TNFRSF1A: variants seen among roughly 807,000 people sequenced by gnomAD.
TNFRSF1A encodes TNF receptor superfamily member 1A.
Under a neutral mutation model 41.6 loss-of-function variants are expected in TNFRSF1A, and 9 were observed. The observed-to-expected ratio is 0.22, with a 90% CI of 0.13 to 0.38. The LOEUF (loss-of-function observed/expected upper bound fraction) is 0.38. Among genes scored for constraint, TNFRSF1A ranks in the 10% least tolerant of loss-of-function variants. TNFRSF1A has a pLI of 1.00. For synonymous variants in TNFRSF1A, 254 were observed against 248.6 expected (o/e 1.02, Z -0.21); for missense variants, 463 against 591.5 (o/e 0.78, Z 2.25).
At chr12:6,340,189 G>A (rs1315216505) in intron 1 of TNFRSF1A, among the ~76,000 whole-genome samples, 2 of 152,180 alleles carry the variant, frequency 1.3e-5, no homozygotes, top group Non-Finnish European at 2.9e-5. Context: ...CAGGGATTTT[G>A]TTCTCTGCTG....
chr12:6,333,677 T>C lies in TNFRSF1A; in HGVS notation c.322+60A>G, dbSNP rs373163976. The C allele has an allele frequency of 2.0e-5, 31 of 1,561,178 alleles. No individual in the cohort carries two copies. In the African/African-American group the frequency reaches 3.3e-4, roughly 16 times the overall value. Reference sequence around the variant, plus strand: ...CTGCCCACACCCACCAGCCTGCACATAGACAGGCACCCACACACCACTCAA... The same window carrying C: ...CTGCCCACACCCACCAGCCTGCACACAGACAGGCACCCACACACCACTCAA... On this transcript the variant is annotated intron_variant, in intron 3 of 9. Coordinates refer to ENST00000162749, the MANE Select transcript of TNFRSF1A (RefSeq NM_001065.4). This position sits in a 1 kb window ranked among gnomAD's most constrained non-coding sequence, Gnocchi z 6.3.
In TNFRSF1A at chr12:6,329,785, G is replaced by A; in HGVS notation, c.1050C>T (p.Ser350=). Reference sequence around the variant, plus strand: ...GCCGCGGGAGAAACTCACTGTCTAGGCTCTGTGGCTTGTGGGCGCTGTCCT... The same window carrying A: ...GCCGCGGGAGAAACTCACTGTCTAGACTCTGTGGCTTGTGGGCGCTGTCCT... ...KWEDSAHKPQ[S]LDTDDPATLY... Residue 350 remains serine (S), a synonymous_variant, in exon 9 of 10, where the codon AGC becomes AGT. Coordinates refer to ENST00000162749, the MANE Select transcript of TNFRSF1A (RefSeq NM_001065.4). The A allele has an allele frequency of 6.2e-7, 1 of 1,605,234 alleles. No individual in the cohort carries two copies. The highest frequency in any genetic ancestry group is 8.5e-7 in the Non-Finnish European group (1 of 1,177,014).
At position 6,334,510 on chromosome 12, in the gene TNFRSF1A, AT is replaced by A. The variant is rs528802948; in HGVS notation, c.40-267del. Among the ~76,000 whole-genome samples the A allele has an allele frequency of 3.1e-3, 444 of 143,028 alleles. 1 individual carries two copies. Among genetic ancestry groups the A allele is most frequent in the Middle Eastern group, 7.2e-3 (2 of 278 alleles). 93.8% of individuals were successfully genotyped at this position (143,028 alleles called of 152,430 possible). On this transcript the variant is annotated intron_variant, in intron 1 of 9. Transcript: ENST00000162749. The surrounding 1 kb of genome is among the most constrained non-coding windows in gnomAD (Gnocchi z 5.1). ...CTAGTAGGCCCCAGATCTAAGCTGT[AT>A]TTTTTTTTTTTTAGGCAGGATCTTG...
Position 6,329,911 on chromosome 12 carries a change from C to T in TNFRSF1A, c.924G>A (p.Ala308=), listed in dbSNP as rs2136814745. ...TYTPGDCPNF[A]APRREVAPPY... is the part of the protein sequence containing the mutation. ...GTGGTGCCACCTCTCTGCGGGGAGC[C>T]GCAAAGTTGGGACAGTCACCGGGGG... Residue 308 remains alanine (A), a synonymous_variant, in exon 9 of 10, where the codon GCG becomes GCA. Coordinates refer to ENST00000162749, the MANE Select transcript of TNFRSF1A (RefSeq NM_001065.4). 1 of 1,573,934 alleles carries T rather than the reference C, an allele frequency of 6.4e-7. No individual in the cohort carries two copies. The highest frequency in any genetic ancestry group is 8.6e-7 in the Non-Finnish European group (1 of 1,158,570).
Position 6,329,582 on chromosome 12 carries a change from C to T in TNFRSF1A, c.1098G>A (p.Val366=). The T allele has an allele frequency of 6.3e-7, 1 of 1,592,374 alleles. No individual in the cohort carries two copies. The highest frequency in any genetic ancestry group is 1.1e-5 in the South Asian group (1 of 90,556). ...PATLYAVVEN[V]PPLRWKEFVR... ...CGAATTCCTTCCAGCGCAACGGGGG[C>T]ACGTTCTCCACCACGGCGTACAGCG... The change falls in exon 10 of 10, where the codon GTG becomes GTA. Residue 366 remains valine (V), a synonymous_variant. Transcript: ENST00000162749.
chr12:6,333,341 C>T lies in TNFRSF1A; in HGVS notation c.472+26G>A. Reference sequence around the variant, plus strand: ...GCCAACCCCTGGGGTGGGGAGAGGGCTTGGCCTCAGGAGAGCTGCGCTCAC... The same window carrying T: ...GCCAACCCCTGGGGTGGGGAGAGGGTTTGGCCTCAGGAGAGCTGCGCTCAC... On this transcript the variant is annotated intron_variant, in intron 4 of 9. Coordinates refer to ENST00000162749, the MANE Select transcript of TNFRSF1A (RefSeq NM_001065.4). The surrounding 1 kb of genome is among the most constrained non-coding windows in gnomAD (Gnocchi z 6.3). 6.2e-7 allele frequency: 1 copy of T among 1,610,834 alleles called. No individual in the cohort carries two copies. The highest frequency in any genetic ancestry group is 2.2e-5 in the East Asian group (1 of 44,752).
Position 6,329,302 on chromosome 12 carries a change from G to T in TNFRSF1A, c.*10C>A. On this transcript the variant is annotated 3_prime_UTR_variant, in exon 10 of 10. Coordinates refer to ENST00000162749, the MANE Select transcript of TNFRSF1A (RefSeq NM_001065.4). ...GGACGGTCCTTAGAGCTGCCCGCAG[G>T]GGCGCAGCCTCATCTGAGAAGACTG... 1 of 1,459,508 alleles carries T rather than the reference G, an allele frequency of 6.9e-7. No homozygotes were observed. 90.4% of individuals were successfully genotyped at this position (1,459,508 alleles called of 1,614,324 possible).
At chr12:6,338,620 C>T (rs1324630595) in intron 1 of TNFRSF1A, among the ~76,000 whole-genome samples, 3 of 150,774 alleles carry the variant, frequency 2.0e-5, no homozygotes, top group Non-Finnish European at 4.4e-5. Flanking sequence ...CACTCTGTCA[C>T]CCAGGGTGAA....
At chr12:6,329,743 C>G (rs1461321223) in intron 9 of TNFRSF1A, 35 bp downstream of exon 9, 12 of 1,580,366 alleles carry the variant, frequency 7.6e-6, no homozygotes, top group East Asian at 2.3e-5. Context: ...GGCCCTCCCC[C>G]AGCCTCCTCG....
Position 6,334,317 on chromosome 12 carries a change from A to C in TNFRSF1A, c.40-73T>G. On this transcript the variant is annotated intron_variant, in intron 1 of 9. Coordinates refer to ENST00000162749, the MANE Select transcript of TNFRSF1A (RefSeq NM_001065.4). This position sits in a 1 kb window ranked among gnomAD's most constrained non-coding sequence, Gnocchi z 5.1. Reference sequence around the variant, plus strand: ...GGGAAGCTTAGGGGTAGCAGATCTAAAACTTCCCTGGCTCAAGTCCTTCCT... The same window carrying C: ...GGGAAGCTTAGGGGTAGCAGATCTACAACTTCCCTGGCTCAAGTCCTTCCT... 1 of 1,409,090 alleles carries C rather than the reference A, an allele frequency of 7.1e-7. No homozygotes were observed. Among genetic ancestry groups the C allele is most frequent in the Non-Finnish European group, 9.9e-7 (1 of 1,012,656 alleles). 87.3% of individuals were successfully genotyped at this position (1,409,090 alleles called of 1,614,324 possible). A position where few individuals can be genotyped will look rare whatever the true frequency, so the allele number is the denominator to read the frequency against.
Position 6,333,998 on chromosome 12 carries a change from A to T in TNFRSF1A, c.193+93T>A. 1 of 1,611,468 alleles carries T rather than the reference A, an allele frequency of 6.2e-7. No homozygotes were observed. Among genetic ancestry groups the T allele is most frequent in the South Asian group, 1.1e-5 (1 of 90,988 alleles). ...GAGGGAGAAAATCCCAGCCCAGGAG[A>T]GACAGCAAAGTTAGGGAAGAACAAC... On this transcript the variant is annotated intron_variant, in intron 2 of 9. Transcript: ENST00000162749. This position sits in a 1 kb window ranked among gnomAD's most constrained non-coding sequence, Gnocchi z 6.3.
At position 6,341,972 on chromosome 12, in the gene TNFRSF1A, T is replaced by C. The variant is rs1592053912; in HGVS notation, c.-158A>G. On this transcript the variant is annotated 5_prime_UTR_variant, in exon 1 of 10. Coordinates refer to ENST00000162749, the MANE Select transcript of TNFRSF1A (RefSeq NM_001065.4). The surrounding 1 kb of genome is among the most constrained non-coding windows in gnomAD (Gnocchi z 4.6). ...CTCGGGCATAGAGATCACGGCCTGGTCCCAGTGATCTTGAACCCCAAAGGC... is the reference window on the plus strand; with the variant it reads ...CTCGGGCATAGAGATCACGGCCTGGCCCCAGTGATCTTGAACCCCAAAGGC... 2.7e-6 allele frequency: 2 copies of C among 743,686 alleles called. No individual in the cohort carries two copies. Among genetic ancestry groups the C allele is most frequent in the Admixed American group, 4.0e-5 (2 of 49,696 alleles). 46.1% of individuals were successfully genotyped at this position (743,686 alleles called of 1,614,324 possible).
rs1947995741 is a variant in TNFRSF1A, at chr12:6,329,332, C to T, written c.1348G>A (p.Ala450Thr). Residue 450 changes from alanine (A) to threonine (T), a missense_variant, in exon 10 of 10, where the codon GCG becomes ACG. Physicochemically the swap from Ala to Thr is moderately conservative, Grantham distance 58. This residue lies in a region of TNFRSF1A where 277 missense variants were observed against 288.8 expected (regional missense o/e 0.96). Transcript: ENST00000162749. ...CAGCCTCATCTGAGAAGACTGGGCG[C>T]GGGCGGGAGGGCGGCGGGGCCGCAA... ...ALCGPAALPP[A>T]PSLLR The T allele has an allele frequency of 6.8e-7, 1 of 1,473,936 alleles. No homozygotes were observed. The highest frequency in any genetic ancestry group is 2.5e-5 in the East Asian group (1 of 40,256). 91.3% of individuals were successfully genotyped at this position (1,473,936 alleles called of 1,614,324 possible).
At chr12:6,335,911 G>A (rs1948114485) in intron 1 of TNFRSF1A, among the ~76,000 whole-genome samples, 1 of 152,224 alleles carries the variant, frequency 6.6e-6, no homozygotes, top group East Asian at 1.9e-4. Flanking sequence ...CGCAGGTGGA[G>A]GCGTGTGCCC....
Position 6,329,463 on chromosome 12 carries a change from G to A in TNFRSF1A, c.1217C>T (p.Thr406Ile), listed in dbSNP as rs1592043182. 5.7e-6 allele frequency: 9 copies of A among 1,591,724 alleles called. No homozygotes were observed. The highest frequency in any genetic ancestry group is 7.7e-6 in the Non-Finnish European group (9 of 1,176,320). The part of the protein sequence containing the change: ...LREAQYSMLA[T>I]WRRRTPRREA... ...GCGCCGCGGCGTGCGCCGCCTCCAG[G>A]TCGCCAGCATGCTGTATTGCGCCTC... The change falls in exon 10 of 10, where the codon ACC (threonine) becomes ATC (isoleucine). Residue 406 changes from threonine to isoleucine, a missense_variant. Around this residue, in one of 4 missense-constraint regions of TNFRSF1A, gnomAD observed 277 missense variants for 288.8 expected, o/e 0.96. Transcript: ENST00000162749.
chr12:6,335,382 T>G (rs1948107609), intron 1 of TNFRSF1A, among the ~76,000 whole-genome samples: 1 of 152,140 alleles, frequency 6.6e-6, no homozygotes, highest in African/African-American at 2.4e-5. Flanking sequence ...CCAGCTTGGA[T>G]GACTGTCAGG....
chr12:6,333,947 T>C lies in TNFRSF1A; in HGVS notation c.194-82A>G. 1 of 1,607,100 alleles carries C rather than the reference T, an allele frequency of 6.2e-7. No individual in the cohort carries two copies. The highest frequency in any genetic ancestry group is 8.5e-7 in the Non-Finnish European group (1 of 1,176,030). On this transcript the variant is annotated intron_variant, in intron 2 of 9. Coordinates refer to ENST00000162749, the MANE Select transcript of TNFRSF1A (RefSeq NM_001065.4). This position sits in a 1 kb window ranked among gnomAD's most constrained non-coding sequence, Gnocchi z 6.3. ...TGCTAGGGACAACAGCCAGGGCCGA[T>C]TCCCTGAAGTCTCTAGGAGAGGAGG...
Position 6,337,326 on chromosome 12 carries a change from T to C in TNFRSF1A, c.40-3082A>G, listed in dbSNP as rs976581077. 6.6e-5 allele frequency among the ~76,000 whole-genome samples: 10 copies of C among 152,206 alleles called. No individual in the cohort carries two copies. The highest frequency in any genetic ancestry group is 6.5e-5 in the Admixed American group (1 of 15,282). On this transcript the variant is annotated intron_variant, in intron 1 of 9. Transcript: ENST00000162749. The surrounding 1 kb of genome is among the most constrained non-coding windows in gnomAD (Gnocchi z 4.6). ...GCTGGGGTGCCTGTGGAGAGACAGTTGAGGGGGTGGCCCAACACCCCTCCA... is the reference window on the plus strand; with the variant it reads ...GCTGGGGTGCCTGTGGAGAGACAGTCGAGGGGGTGGCCCAACACCCCTCCA...
chr12:6,332,461 A>G (rs960636495), intron 5 of TNFRSF1A, among the ~76,000 whole-genome samples: 2 of 150,804 alleles, frequency 1.3e-5, no homozygotes, highest in African/African-American at 4.9e-5. Flanking sequence ...AAAAACACCA[A>G]AAGAAAAGTC....
Sources: allele counts gnomAD v4.1 joint callset (sites outside exome capture counted in the v4.1 genomes callset), GRCh38; gene constraint gnomAD v4.1.1; regional missense constraint gnomAD v4.1.1; non-coding constraint Gnocchi (gnomAD v3.1); transcripts MANE v1.5; gene names NCBI Gene and HGNC (gene_info 2026-07-23, HGNC 2026-07-21).